PAK3: variants seen among roughly 807,000 people sequenced by gnomAD.
PAK3 encodes the protein serine/threonine-protein kinase PAK 3.
In PAK3, 4 loss-of-function variants were observed where a neutral mutation model predicts 41.0. The ratio of observed to expected loss-of-function variants is 0.10; its 90% confidence interval spans 0.05 to 0.22. The LOEUF is 0.22. Ranked by LOEUF, PAK3 falls within the 10% of genes least tolerant of loss-of-function variation. The pLI is 1.00. For synonymous variants in PAK3, 146 were observed against 139.6 expected (o/e 1.05, Z -0.32); for missense variants, 205 against 409.9 (o/e 0.50, Z 4.32).
At chrX:111,065,638 A>G (rs894668252) in intron 1 of PAK3, among the ~76,000 whole-genome samples, 3 of 111,924 alleles carry the variant, frequency 2.7e-5, no homozygotes, top group Middle Eastern at 4.6e-3. Flanking sequence ...AATTAGTATC[A>G]GCTCTTCTTT....
chrX:111,000,347 A>G (rs893073393), intron 1 of PAK3, among the ~76,000 whole-genome samples: 4 of 112,237 alleles, frequency 3.6e-5, no homozygotes, highest in Non-Finnish European at 7.5e-5. Flanking sequence ...CATCACTTCC[A>G]TAGCATTCTT....
intron 1 of PAK3, among the ~76,000 whole-genome samples, chrX:111,022,126 T>G (rs776052114): frequency 3.6e-5 from 4 of 111,550 alleles, no homozygotes; most frequent in Non-Finnish European, 7.5e-5. Flanking sequence ...TGAGGAAAAC[T>G]TCCCCAGTCT....
Position 111,144,929 on chromosome X carries a change from G to T in PAK3, c.276+2733G>T, listed in dbSNP as rs1371024093. The T allele has an allele frequency of 7.0e-6, 7 of 1,006,016 alleles. No homozygotes were observed. In the East Asian group the frequency reaches 2.3e-4, roughly 33 times the overall value. The allele number at this position is 1,006,016 out of a possible 1,213,427, so 82.9% of individuals were successfully genotyped here. On this transcript the variant is annotated intron_variant, in intron 6 of 17. Coordinates refer to ENST00000372007, the MANE Select transcript of PAK3 (RefSeq NM_002578.5). ...TCAATCAGAGGGAAAAATGGTATGA[G>T]TGATATAAATTATCATTTCTTATGA...
chrX:111,009,829 G>A (rs1463563932), intron 1 of PAK3, among the ~76,000 whole-genome samples: 2 of 111,837 alleles, frequency 1.8e-5, no homozygotes, highest in Non-Finnish European at 3.8e-5. Flanking sequence ...TCCTTACAAT[G>A]ACTCTAGGGG....
At position 111,043,592 on chromosome X, in the gene PAK3, T is replaced by C. The variant is rs147512659; in HGVS notation, c.-27-79485T>C. Among the ~76,000 whole-genome samples the C allele has an allele frequency of 1.4e-3, 153 of 112,213 alleles. 1 individual carries two copies. The East Asian group carries it at 0.024, about 18-fold the overall frequency. ...TTGAAAAACTATTTGTAGTAGTGAT[T>C]TGAAGCCCAGAATAAAGTTATCTTT... is the stretch of plus-strand genomic sequence containing the variant. On this transcript the variant is annotated intron_variant, in intron 1 of 14. Transcript: ENST00000425146.
chrX:111,092,342 C>T (rs190635591), upstream of PAK3, among the ~76,000 whole-genome samples: 24 of 111,911 alleles, frequency 2.1e-4, no homozygotes, highest in Admixed American at 2.3e-3. Context: ...CATGTCTTTC[C>T]TACCCTCTTT....
At chrX:111,058,406 G>A (rs966574714) in intron 1 of PAK3, among the ~76,000 whole-genome samples, 3 of 111,270 alleles carry the variant, frequency 2.7e-5, no homozygotes, top group African/African-American at 9.8e-5. Flanking sequence ...ATCTTATTGT[G>A]GCTTTGATTT....
At chrX:111,050,397 C>A (rs2092546465) in intron 1 of PAK3, among the ~76,000 whole-genome samples, 1 of 112,166 alleles carries the variant, frequency 8.9e-6, no homozygotes, top group South Asian at 3.7e-4. Flanking sequence ...TTCTATTTTG[C>A]TTTTTCCAAT....
intron 1 of PAK3, among the ~76,000 whole-genome samples, chrX:111,002,514 C>T (rs1164891702): frequency 8.9e-6 from 1 of 111,732 alleles, no homozygotes; most frequent in East Asian, 2.8e-4. Flanking sequence ...AGGCCCGAAG[C>T]ATGTGGGGCA....
intron 4 of PAK3, among the ~76,000 whole-genome samples, chrX:111,118,956 A>G (rs1308616370): frequency 9.0e-6 from 1 of 111,329 alleles, no homozygotes; most frequent in Non-Finnish European, 1.9e-5. Flanking sequence ...AACTATTACC[A>G]AGATGCATGG....
chrX:111,100,417 G>C (rs953183224), intron 3 of PAK3, among the ~76,000 whole-genome samples: 1 of 111,221 alleles, frequency 9.0e-6, no homozygotes, highest in Non-Finnish European at 1.9e-5. Context: ...ATGCATCCCC[G>C]GTCCCAGCCT....
intron 16 of PAK3, among the ~76,000 whole-genome samples, chrX:111,212,396 T>C (rs2094831529): frequency 9.0e-6 from 1 of 111,248 alleles, no homozygotes; most frequent in Admixed American, 9.6e-5. Flanking sequence ...AGCAATTTTC[T>C]TTTTTTTACT....
chrX:111,086,736 A>C (rs2148849209), intron 1 of PAK3, among the ~76,000 whole-genome samples: 1 of 111,606 alleles, frequency 9.0e-6, no homozygotes, highest in South Asian at 3.8e-4. Flanking sequence ...GAACACAGTT[A>C]AGCCTCACTA....
At chrX:111,164,147 T>G (rs192870332) in intron 10 of PAK3, among the ~76,000 whole-genome samples, 33 of 111,177 alleles carry the variant, frequency 3.0e-4, no homozygotes, top group African/African-American at 1.0e-3. Flanking sequence ...TTCCCTTAAT[T>G]CAGAAGCATT....
chrX:110,982,742 A>G (rs2091470068), intron 1 of PAK3, among the ~76,000 whole-genome samples: 1 of 111,319 alleles, frequency 9.0e-6, no homozygotes, highest in Non-Finnish European at 1.9e-5. Flanking sequence ...CGGGCAGATG[A>G]AGAGAAAAGC....
At chrX:111,060,953 T>C (rs1048741843) in intron 1 of PAK3, among the ~76,000 whole-genome samples, 1 of 111,819 alleles carries the variant, frequency 8.9e-6, no homozygotes, top group African/African-American at 3.2e-5. Flanking sequence ...CATGGTTAAT[T>C]AGTGGTAAAA....
intron 11 of PAK3, among the ~76,000 whole-genome samples, chrX:111,184,398 G>A (rs2094489319): frequency 9.2e-6 from 1 of 108,495 alleles, no homozygotes; most frequent in Non-Finnish European, 1.9e-5. Flanking sequence ...GCGTGACACT[G>A]ACTTTTTTTT....
At chrX:110,962,641 G>A (rs1421073413) in intron 1 of PAK3, among the ~76,000 whole-genome samples, 1 of 112,346 alleles carries the variant, frequency 8.9e-6, no homozygotes, top group East Asian at 2.8e-4. Flanking sequence ...TGAAGTTGGG[G>A]GCAGCAGGCC....
intron 1 of PAK3, among the ~76,000 whole-genome samples, chrX:111,080,043 A>G (rs1763776848): frequency 8.9e-6 from 1 of 112,494 alleles, no homozygotes; most frequent in Non-Finnish European, 1.9e-5. Flanking sequence ...GTGGTTTCTC[A>G]AGATGGAAAG....
Sources: allele counts gnomAD v4.1 joint callset (sites outside exome capture counted in the v4.1 genomes callset), GRCh38; gene constraint gnomAD v4.1.1; transcripts MANE v1.5; gene names NCBI Gene and HGNC (gene_info 2026-07-23, HGNC 2026-07-21).